The following ITPKB variants were observed in gnomAD, a reference collection of about 807,000 sequenced individuals.
ITPKB encodes the protein inositol-trisphosphate 3-kinase B.
ITPKB carries 13 observed loss-of-function variants against 69.4 expected under a neutral mutation model. The ratio of observed to expected loss-of-function variants is 0.19; its 90% CI spans 0.12 to 0.30. ITPKB has a LOEUF of 0.30. Ranked by LOEUF, ITPKB falls within the 10% of genes least tolerant of loss-of-function variation. The pLI is 1.00. For synonymous variants in ITPKB, 584 were observed against 513.7 expected, an observed-to-expected ratio of 1.14 and a Z score of -1.85; for missense variants, 1,240 against 1,250.5, an observed-to-expected ratio of 0.99 and a Z score of 0.13.
chr1:226,704,869 T>TAGAG (rs1656764348), intron 2 of ITPKB, among the ~76,000 whole-genome samples: 1 of 152,252 alleles, frequency 6.6e-6, no homozygotes, highest in Admixed American at 6.5e-5. Flanking sequence ...GAGGCTCCTT[T>TAGAG]GCACAGTGGA....
intron 2 of ITPKB, among the ~76,000 whole-genome samples, chr1:226,727,729 C>T (rs1189123024): frequency 6.6e-6 from 1 of 152,130 alleles, no homozygotes; most frequent in Admixed American, 6.5e-5. Flanking sequence ...GCACCCCCAC[C>T]CCTCAACGCC....
Position 226,738,875 on chromosome 1 carries a change from C to T in ITPKB, c.-206+166G>A, listed in dbSNP as rs181894512. ...TCGTCTCTCCCTATTTTCTCCCCAC[C>T]GCCACTCCATGTCACCCTCCAAAAT... is the stretch of plus-strand genomic sequence containing the variant. On this transcript the variant is annotated intron_variant, in intron 1 of 7. Coordinates refer to ENST00000429204, the MANE Select transcript of ITPKB (RefSeq NM_002221.4). The surrounding 1 kb of genome is among the most constrained non-coding windows in gnomAD (Gnocchi z 4.2). Among the ~76,000 whole-genome samples the T allele has an allele frequency of 6.8e-3, 1,043 of 152,308 alleles. 12 individuals are homozygous for T. The highest frequency in any genetic ancestry group is 0.023 in the African/African-American group (956 of 41,584).
At chr1:226,710,077 C>T (rs1392962933) in intron 2 of ITPKB, among the ~76,000 whole-genome samples, 2 of 152,090 alleles carry the variant, frequency 1.3e-5, no homozygotes, top group Non-Finnish European at 2.9e-5. Context: ...ATCTGTCTTC[C>T]CTGCCCCTGT....
rs572776889 is a variant in ITPKB, at chr1:226,639,838, C to A, written c.2452-180G>T. Among the ~76,000 whole-genome samples the A allele has an allele frequency of 1.4e-4, 21 of 152,332 alleles. No homozygotes were observed. In the East Asian group the frequency reaches 4.1e-3, roughly 29 times the overall value. On this transcript the variant is annotated intron_variant, in intron 5 of 7. Coordinates refer to ENST00000429204, the MANE Select transcript of ITPKB (RefSeq NM_002221.4). Reference sequence around the variant, plus strand: ...GGTGGCGTGCACAGCAGAGGGGAGCCTGCCCTGTGCCCAGACACAGGAGAA... The same window carrying A: ...GGTGGCGTGCACAGCAGAGGGGAGCATGCCCTGTGCCCAGACACAGGAGAA...
chr1:226,713,359 G>C (rs541373895), intron 2 of ITPKB, among the ~76,000 whole-genome samples: 5 of 152,210 alleles, frequency 3.3e-5, no homozygotes, highest in Admixed American at 6.5e-5. Flanking sequence ...CAGGTTTGGA[G>C]AGAACACTTT....
chr1:226,735,986 A>G lies in ITPKB; in HGVS notation c.1473T>C (p.Pro491=), dbSNP rs199950711. 1,156 of 1,613,904 alleles carry G rather than the reference A, an allele frequency of 7.2e-4. 18 individuals are homozygous for G. In the South Asian group the frequency reaches 0.011, roughly 15 times the overall value. The change falls in exon 2 of 8, where the codon CCT becomes CCC. Residue 491 remains proline (P), a synonymous_variant. Coordinates refer to ENST00000429204, the MANE Select transcript of ITPKB (RefSeq NM_002221.4). ...CWDAAKDLKE[P]QCPPGDRVGV... ...CCACCCTGTCCCCAGGAGGGCACTG[A>G]GGTTCTTTCAGATCTTTCGCAGCGT...
At chr1:226,725,976 G>A (rs1229241500) in intron 2 of ITPKB, among the ~76,000 whole-genome samples, 1 of 152,200 alleles carries the variant, frequency 6.6e-6, no homozygotes, top group Middle Eastern at 3.2e-3. Context: ...CTCTTCATGA[G>A]TGAGTGCTTG....
intron 2 of ITPKB, among the ~76,000 whole-genome samples, chr1:226,730,576 T>C (rs1657560603): frequency 6.6e-6 from 1 of 152,198 alleles, no homozygotes; most frequent in South Asian, 2.1e-4. Flanking sequence ...CCTTCTACCC[T>C]GAGGCTGCGA....
intron 2 of ITPKB, among the ~76,000 whole-genome samples, chr1:226,675,294 T>C (rs1669709614): frequency 6.6e-6 from 1 of 152,192 alleles, no homozygotes; most frequent in South Asian, 2.1e-4. Flanking sequence ...CTCTTACAAC[T>C]TTCCATTAGC....
rs557547225 is a variant in ITPKB at position 226,687,937 on chromosome 1, C to T, written c.1933-39166G>A. Among the ~76,000 whole-genome samples the T allele has an allele frequency of 2.0e-5, 3 of 152,324 alleles. No homozygotes were observed. The East Asian group carries it at 5.8e-4, about 29-fold the overall frequency. ...GAGGAGGAAAGAGCAGCTCCTACAA[C>T]CTCAAGAGTCTTTGCCAGGACCAGC... On this transcript the variant is annotated intron_variant, in intron 2 of 7. Transcript: ENST00000429204.
At chr1:226,704,967 G>C (rs1412602653) in intron 2 of ITPKB, among the ~76,000 whole-genome samples, 1 of 152,148 alleles carries the variant, frequency 6.6e-6, no homozygotes, top group Non-Finnish European at 1.5e-5. Flanking sequence ...CTCTTGCTTG[G>C]CCAAATGTAT....
chr1:226,686,338 A>G (rs1419886180), intron 2 of ITPKB, among the ~76,000 whole-genome samples: 2 of 152,250 alleles, frequency 1.3e-5, no homozygotes, highest in African/African-American at 2.4e-5. Context: ...ATTGAAAGGG[A>G]AGCCATAGTC....
chr1:226,695,774 A>G (rs977502026), intron 2 of ITPKB, among the ~76,000 whole-genome samples: 6 of 152,332 alleles, frequency 3.9e-5, no homozygotes, highest in African/African-American at 1.4e-4. Flanking sequence ...GAAGAAGGAC[A>G]GGAGGGAGAG....
chr1:226,738,686 CCAGGGCAGCGCCGCGGAGCG>C lies in ITPKB; in HGVS notation c.-206+335_-206+354del, dbSNP rs1420889528. 6.6e-6 allele frequency among the ~76,000 whole-genome samples: 1 copy of C among 152,192 alleles called. No homozygotes were observed. The highest frequency in any genetic ancestry group is 1.5e-5 in the Non-Finnish European group (1 of 68,018). The stretch of plus-strand genomic sequence containing the variant: ...TCCCAGGAGCCGGCGCTCTAACACC[CCAGGGCAGCGCCGCGGAGCG>C]CAGGGCTTCTCCGCATCCCGGGCAG... On this transcript the variant is annotated intron_variant, in intron 1 of 7. Coordinates refer to ENST00000429204, the MANE Select transcript of ITPKB (RefSeq NM_002221.4). The surrounding 1 kb of genome is among the most constrained non-coding windows in gnomAD (Gnocchi z 4.2).
intron 4 of ITPKB, among the ~76,000 whole-genome samples, chr1:226,644,348 G>A (rs967075310): frequency 6.6e-6 from 1 of 152,218 alleles, no homozygotes; most frequent in African/African-American, 2.4e-5. Flanking sequence ...AGACCTGCTC[G>A]CCCACTCACA....
At chr1:226,650,732 A>C (rs1271291255) in intron 2 of ITPKB, among the ~76,000 whole-genome samples, 1 of 152,078 alleles carries the variant, frequency 6.6e-6, no homozygotes, top group Non-Finnish European at 1.5e-5. Context: ...GGAGGAGGGG[A>C]GCCCAGAGTG....
intron 2 of ITPKB, among the ~76,000 whole-genome samples, chr1:226,662,930 G>A (rs1171214548): frequency 1.3e-5 from 2 of 152,144 alleles, no homozygotes; most frequent in African/African-American, 4.8e-5. Flanking sequence ...ATTCTGCTAT[G>A]AGTCACCCAG....
At chr1:226,698,430 C>A (rs759627175) in intron 2 of ITPKB, among the ~76,000 whole-genome samples, 18 of 152,170 alleles carry the variant, frequency 1.2e-4, no homozygotes, top group Non-Finnish European at 2.5e-4. Context: ...GGAGGACCAA[C>A]CTTTCAGAAT....
chr1:226,634,370 A>T lies in ITPKB; in HGVS notation c.*301T>A, dbSNP rs1668784229. On this transcript the variant is annotated 3_prime_UTR_variant, in exon 8 of 8. Transcript: ENST00000429204. This position sits in a 1 kb window ranked among gnomAD's most constrained non-coding sequence, Gnocchi z 6.3. ...TAGGGGGCTCCCAGAGGCAGGGCTC[A>T]TCTGGTAGGGTCCCCTCAGCAGCCA... is the stretch of plus-strand genomic sequence containing the variant. The T allele has an allele frequency of 2.7e-6, 1 of 375,330 alleles. No individual in the cohort carries two copies. 23.2% of individuals were successfully genotyped at this position (375,330 alleles called of 1,614,324 possible).
Sources: allele counts gnomAD v4.1 joint callset (sites outside exome capture counted in the v4.1 genomes callset), GRCh38; gene constraint gnomAD v4.1.1; non-coding constraint Gnocchi (gnomAD v3.1); transcripts MANE v1.5; gene names NCBI Gene and HGNC (gene_info 2026-07-23, HGNC 2026-07-21).